Variants in LGSN observed in about 807,000 individuals in gnomAD.
The protein encoded by LGSN is lengsin, lens protein with glutamine synthetase domain, also known as lengsin.
LGSN carries 21 observed loss-of-function variants against 19.5 expected under a neutral mutation model. The ratio of observed to expected loss-of-function variants is 1.07; its 90% confidence interval spans 0.76 to 1.55. LGSN has a LOEUF of 1.55. Ranked by LOEUF, LGSN falls within the 40% of genes most tolerant of loss-of-function variation. The pLI is 0.00. For missense variants in LGSN, 673 were observed against 608.5 expected (o/e 1.11, Z -1.12); for synonymous variants, 257 against 215.6 (o/e 1.19, Z -1.68).
chr6:63,406,253 C>A, the LGSN span, among the ~76,000 whole-genome samples: 1 of 152,150 alleles, frequency 6.6e-6, no homozygotes, highest in Non-Finnish European at 1.5e-5. Context: ...CACACCTATT[C>A]CAAAAGTGAC....
chr6:63,568,397 G>C, the LGSN span, among the ~76,000 whole-genome samples: 1 of 152,212 alleles, frequency 6.6e-6, no homozygotes, highest in Non-Finnish European at 1.5e-5. Context: ...CAGCGGAGCA[G>C]TCAGAATATA....
At chr6:63,467,092 G>C in the LGSN span, among the ~76,000 whole-genome samples, 1 of 152,096 alleles carries the variant, frequency 6.6e-6, no homozygotes, top group Non-Finnish European at 1.5e-5. Flanking sequence ...CACCATTAAA[G>C]GGTCCAGGAA....
At chr6:63,346,903 C>A in the LGSN span, among the ~76,000 whole-genome samples, 1 of 151,946 alleles carries the variant, frequency 6.6e-6, no homozygotes. Flanking sequence ...ATTGGGAGAC[C>A]TATGGACTGC....
At chr6:63,493,967 T>G in the LGSN span, among the ~76,000 whole-genome samples, 2 of 151,160 alleles carry the variant, frequency 1.3e-5, no homozygotes, top group African/African-American at 4.9e-5. Flanking sequence ...TTTTTTTTTT[T>G]GAGACGGAGT....
the LGSN span, among the ~76,000 whole-genome samples, chr6:63,370,818 A>G: frequency 2.6e-5 from 4 of 152,218 alleles, no homozygotes; most frequent in African/African-American, 9.6e-5. Context: ...ATATTAAATA[A>G]CAAAATTTTT....
At chr6:63,429,451 C>A in the LGSN span, among the ~76,000 whole-genome samples, 5 of 152,120 alleles carry the variant, frequency 3.3e-5, no homozygotes, top group Non-Finnish European at 7.4e-5. Flanking sequence ...ATCAAGAAAT[C>A]TGGGCCAGGT....
At chr6:63,411,969 CAAACA>C in the LGSN span, among the ~76,000 whole-genome samples, 12 of 152,048 alleles carry the variant, frequency 7.9e-5, no homozygotes, top group African/African-American at 2.9e-4. Flanking sequence ...TCTGGGTAAG[CAAACA>C]AAACAAGTAG....
the LGSN span, among the ~76,000 whole-genome samples, chr6:63,525,542 C>G: frequency 6.6e-6 from 1 of 152,214 alleles, no homozygotes; most frequent in Non-Finnish European, 1.5e-5. Context: ...ATGCCACTCT[C>G]TCAGAGCATC....
chr6:63,544,575 G>A, the LGSN span, among the ~76,000 whole-genome samples: 2 of 152,118 alleles, frequency 1.3e-5, no homozygotes, highest in Non-Finnish European at 2.9e-5. Context: ...CTGGGTCACA[G>A]ACTGGCTAGA....
intron 1 of LGSN, among the ~76,000 whole-genome samples, chr6:63,304,241 T>G (rs1374250873): frequency 6.6e-6 from 1 of 152,220 alleles, no homozygotes; most frequent in Non-Finnish European, 1.5e-5. Context: ...CTAGGTTAAA[T>G]AAAACATTGC....
chr6:63,472,807 G>A, the LGSN span, among the ~76,000 whole-genome samples: 1 of 152,036 alleles, frequency 6.6e-6, no homozygotes, highest in Non-Finnish European at 1.5e-5. Flanking sequence ...CGGGCGTGGT[G>A]GCAGACACCT....
At chr6:63,323,432 C>A (rs1289957132), upstream of LGSN, among the ~76,000 whole-genome samples, 1 of 151,984 alleles carries the variant, frequency 6.6e-6, no homozygotes, top group African/African-American at 2.4e-5. Flanking sequence ...TCACAGAAGA[C>A]ATTTTTATAA....
Position 63,280,242 on chromosome 6 carries a change from C to T in LGSN, c.1309G>A (p.Val437Ile), listed in dbSNP as rs1184738102. The T allele has an allele frequency of 1.9e-6, 3 of 1,614,236 alleles. No individual in the cohort carries two copies. The South Asian group carries it at 3.3e-5, about 18-fold the overall frequency. Residue 437 changes from valine (V) to isoleucine (I), a missense_variant, in exon 4 of 4, where the codon GTC becomes ATC. Transcript: ENST00000370657. ...GLDGLHSSNEVLAGPDESTDF... is the reference protein window; with the variant it reads ...GLDGLHSSNEILAGPDESTDF... ...GTGCTCTCATCTGGACCAGCCAAGACCTCATTACTGCTATGAAGTCCATCT... is the reference window on the plus strand; with the variant it reads ...GTGCTCTCATCTGGACCAGCCAAGATCTCATTACTGCTATGAAGTCCATCT...
chr6:63,513,399 G>T, the LGSN span, among the ~76,000 whole-genome samples: 1 of 134,740 alleles, frequency 7.4e-6, no homozygotes, highest in Admixed American at 7.6e-5. Context: ...ACACACTGCT[G>T]CCCCAGATAA....
chr6:63,381,233 A>G, the LGSN span, among the ~76,000 whole-genome samples: 1 of 152,160 alleles, frequency 6.6e-6, no homozygotes, highest in Admixed American at 6.6e-5. Context: ...GAGAGACAGC[A>G]GCTTATGATG....
the LGSN span, among the ~76,000 whole-genome samples, chr6:63,559,129 C>G: frequency 6.6e-6 from 1 of 152,230 alleles, no homozygotes; most frequent in East Asian, 1.9e-4. Flanking sequence ...TGTCCATTAG[C>G]GGGAAATCAA....
At chr6:63,412,718 G>GAAAGAAA in the LGSN span, among the ~76,000 whole-genome samples, 2 of 54,750 alleles carry the variant, frequency 3.7e-5, no homozygotes, top group Non-Finnish European at 5.8e-5. Context: ...AGGGAAGGAA[G>GAAAGAAA]GAAAGAAAGA....
At chr6:63,338,276 T>C in the LGSN span, among the ~76,000 whole-genome samples, 2 of 152,182 alleles carry the variant, frequency 1.3e-5, no homozygotes, top group African/African-American at 4.8e-5. Context: ...TTATAGGCAC[T>C]CTAACATCAC....
the LGSN span, among the ~76,000 whole-genome samples, chr6:63,452,898 A>T: frequency 6.6e-6 from 1 of 151,750 alleles, no homozygotes; most frequent in Non-Finnish European, 1.5e-5. Context: ...TAATGTGAGA[A>T]CTTTCTTCTT....
Sources: gnomAD v4.1 joint callset for allele counts (sites outside exome capture counted in the v4.1 genomes callset) on GRCh38, gnomAD v4.1.1 for gene constraint, MANE v1.5 for transcripts, NCBI Gene and HGNC (gene_info 2026-07-23, HGNC 2026-07-21) for gene names.